The following PDE1C variants were observed in gnomAD, a reference collection of about 807,000 sequenced individuals.
PDE1C encodes the protein dual specificity calcium/calmodulin-dependent 3',5'-cyclic nucleotide phosphodiesterase 1C.
PDE1C carries 62 observed loss-of-function variants against 93.1 expected under a neutral mutation model. The observed-to-expected ratio is 0.67, with a 90% confidence interval of 0.54 to 0.82. The LOEUF (loss-of-function observed/expected upper bound fraction) is 0.82, where lower values mean the gene tolerates loss of function less well. PDE1C is among the 40% of genes least tolerant of loss of function. The probability of loss-of-function intolerance (pLI) is 0.00; values close to 1 mark genes in which losing one functional copy is unlikely to be tolerated. For missense variants in PDE1C, 742 were observed against 884.6 expected (o/e 0.84, Z 2.04); for synonymous variants, 325 against 310.1 (o/e 1.05, Z -0.50).
chr7:31,768,385 T>C (rs982263757), intron 17 of PDE1C, among the ~76,000 whole-genome samples: 1 of 152,174 alleles, frequency 6.6e-6, no homozygotes, highest in Non-Finnish European at 1.5e-5. Context: ...TCTGTGTCAG[T>C]GTATGTTATT....
intron 16 of PDE1C, among the ~76,000 whole-genome samples, chr7:31,805,731 T>C (rs562328447): frequency 6.6e-6 from 1 of 151,874 alleles, no homozygotes; most frequent in East Asian, 2.0e-4. Flanking sequence ...ATTTTTCCTG[T>C]TAACTAAAGC....
intron 3 of PDE1C, among the ~76,000 whole-genome samples, chr7:32,087,996 TATA>T (rs953473270): frequency 1.3e-5 from 2 of 149,326 alleles, no homozygotes; most frequent in African/African-American, 4.9e-5. Flanking sequence ...AAACTTAAAG[TATA>T]ATAATAATAA....
At chr7:31,792,654 G>T (rs1282613238) in intron 16 of PDE1C, among the ~76,000 whole-genome samples, 2 of 152,000 alleles carry the variant, frequency 1.3e-5, no homozygotes, top group African/African-American at 2.4e-5. Flanking sequence ...TGCAAATCAG[G>T]CCTGGTCCTC....
chr7:32,071,480 T>G, upstream of PDE1C: 3 of 907,022 alleles, frequency 3.3e-6, no homozygotes, highest in African/African-American at 1.9e-5. Context: ...CCTCATTCCC[T>G]CCCTCCCTCC....
chr7:32,209,057 C>T (rs1344684389), intron 2 of PDE1C, among the ~76,000 whole-genome samples: 2 of 152,192 alleles, frequency 1.3e-5, no homozygotes, highest in African/African-American at 2.4e-5. Flanking sequence ...CTTCATAAAA[C>T]ATTCATTGAA....
chr7:31,941,391 T>C, intron 2 of PDE1C: 1 of 161,852 alleles, frequency 6.2e-6, no homozygotes, highest in East Asian at 1.8e-4. Context: ...GAAGTTGTAC[T>C]AGATGATGAC....
chr7:31,893,764 C>G (rs1798926198), intron 2 of PDE1C, among the ~76,000 whole-genome samples: 1 of 152,066 alleles, frequency 6.6e-6, no homozygotes, highest in South Asian at 2.1e-4. Context: ...ACTGTTGAAT[C>G]AATCTGGACA....
the PDE1C span, among the ~76,000 whole-genome samples, chr7:31,660,133 G>A: frequency 1.3e-5 from 2 of 152,118 alleles, no homozygotes; most frequent in South Asian, 4.1e-4. Context: ...AGTTTCCTGA[G>A]ACCTCTCTGG....
At chr7:32,322,105 A>T (rs1310230640) in intron 1 of PDE1C, among the ~76,000 whole-genome samples, 1 of 152,170 alleles carries the variant, frequency 6.6e-6, no homozygotes, top group Non-Finnish European at 1.5e-5. Context: ...TATACTCTAT[A>T]AGGAATGTCC....
chr7:31,953,810 A>C (rs1462397039), intron 2 of PDE1C, among the ~76,000 whole-genome samples: 2 of 152,222 alleles, frequency 1.3e-5, no homozygotes, highest in Non-Finnish European at 2.9e-5. Context: ...AAAGGAAAAA[A>C]GACAATAAGT....
intron 2 of PDE1C, among the ~76,000 whole-genome samples, chr7:32,044,030 C>T (rs1318885085): frequency 6.6e-6 from 1 of 152,140 alleles, no homozygotes; most frequent in Non-Finnish European, 1.5e-5. Flanking sequence ...AATCAATGCA[C>T]ATTTAATAAA....
chr7:32,333,888 GT>G (rs1229893405), intron 1 of PDE1C, among the ~76,000 whole-genome samples: 5 of 152,136 alleles, frequency 3.3e-5, no homozygotes, highest in African/African-American at 9.7e-5. Context: ...AGGATTAAGG[GT>G]TAGGCCTTTT....
intron 2 of PDE1C, among the ~76,000 whole-genome samples, chr7:32,019,150 T>TAAAAAAAAAAAAAAAAAAA (rs75146295): frequency 8.4e-6 from 1 of 118,842 alleles, no homozygotes. Context: ...TATGTTGTTT[T>TAAAAAAAAAAAAAAAAAAA]AAAAAAAAAA....
intron 1 of PDE1C, among the ~76,000 whole-genome samples, chr7:32,350,423 T>C (rs1783940276): frequency 6.6e-6 from 1 of 152,144 alleles, no homozygotes; most frequent in Non-Finnish European, 1.5e-5. Context: ...GAACAATTCC[T>C]TAATATCATC....
rs367950748 is a variant in PDE1C at position 32,044,536 on chromosome 7, A to T, written c.128+7018T>A. ...GGAGCTGTGGAGAAAGTAATCAGAC[A>T]TAGGTATGCAGCATGGAGAAGATGA... On this transcript the variant is annotated intron_variant, in intron 2 of 17. Coordinates refer to ENST00000396191, the MANE Select transcript of PDE1C (RefSeq NM_001191057.4). Among the ~76,000 whole-genome samples, 13 of 152,270 alleles carry T rather than the reference A, an allele frequency of 8.5e-5. 3 individuals carry two copies. Among genetic ancestry groups the T allele is most frequent in the Admixed American group, 6.5e-5 (1 of 15,298 alleles).
chr7:32,205,207 A>G (rs1805343565), intron 2 of PDE1C, among the ~76,000 whole-genome samples: 1 of 152,220 alleles, frequency 6.6e-6, no homozygotes, highest in East Asian at 1.9e-4. Flanking sequence ...CCTGGACTCT[A>G]GTCCTTCACA....
intron 2 of PDE1C, among the ~76,000 whole-genome samples, chr7:32,039,315 A>T (rs1297090418): frequency 6.6e-6 from 1 of 152,204 alleles, no homozygotes; most frequent in Non-Finnish European, 1.5e-5. Flanking sequence ...ATTATCAAAG[A>T]TGTAGGATTA....
chr7:31,726,612 CACAA>C, the PDE1C span, among the ~76,000 whole-genome samples: 12 of 152,196 alleles, frequency 7.9e-5, no homozygotes, highest in Non-Finnish European at 1.6e-4. Flanking sequence ...ACAGACAAAA[CACAA>C]ACATTCTCCA....
chr7:31,660,725 C>A, the PDE1C span, among the ~76,000 whole-genome samples: 3 of 151,964 alleles, frequency 2.0e-5, no homozygotes, highest in African/African-American at 7.2e-5. Flanking sequence ...ATGTTCCTTT[C>A]TGTAAACCAC....
Sources: allele counts gnomAD v4.1 joint callset (sites outside exome capture counted in the v4.1 genomes callset), GRCh38; gene constraint gnomAD v4.1.1; transcripts MANE v1.5; gene names NCBI Gene and HGNC (gene_info 2026-07-23, HGNC 2026-07-21).